The following RGS12 variants were observed in gnomAD, a reference collection of about 807,000 sequenced individuals.
RGS12 encodes the protein regulator of G protein signaling 12, also known as regulator of G-protein signaling 12.
RGS12 carries 66 observed loss-of-function variants against 120.1 expected under a neutral mutation model. The ratio of observed to expected loss-of-function variants is 0.55; its 90% confidence interval spans 0.45 to 0.67. The LOEUF (loss-of-function observed/expected upper bound fraction) is 0.67, where lower values mean the gene tolerates loss of function less well. Ranked by LOEUF, RGS12 falls within the 30% of genes least tolerant of loss-of-function variation. The pLI is 0.00. For synonymous variants in RGS12, 827 were observed against 804.7 expected (o/e 1.03, Z -0.47); for missense variants, 1,859 against 1,957.7 (o/e 0.95, Z 0.95).
chr4:3,369,926 G>C, intron 3 of RGS12: 1 of 780,038 alleles, frequency 1.3e-6, no homozygotes, highest in Non-Finnish European at 1.6e-6. Context: ...ACTGCACCAC[G>C]ATGCTAAAAA....
chr4:3,360,787 C>T (rs1031944476), intron 3 of RGS12, among the ~76,000 whole-genome samples: 1 of 152,162 alleles, frequency 6.6e-6, no homozygotes, highest in Admixed American at 6.5e-5. Flanking sequence ...GAGGACAGTG[C>T]GGCTAACCCA....
intron 17 of RGS12, chr4:3,431,209 C>T: frequency 3.7e-6 from 5 of 1,368,396 alleles, no homozygotes; most frequent in Non-Finnish European, 2.8e-6. Flanking sequence ...GAGGCTCTTG[C>T]AGGAATGATA....
chr4:3,437,283 A>G (rs1361672158), intron 17 of RGS12, among the ~76,000 whole-genome samples: 1 of 152,154 alleles, frequency 6.6e-6, no homozygotes, highest in Non-Finnish European at 1.5e-5. Flanking sequence ...TCCTGTCTCC[A>G]GAAACAAGTG....
At chr4:3,417,356 T>C (rs1392449869) in intron 8 of RGS12, 32 bp from the exon 9 acceptor site, 1 of 1,544,294 alleles carries the variant, frequency 6.5e-7, no homozygotes, top group East Asian at 2.3e-5. Flanking sequence ...TAACTTCACA[T>C]TGTTTTAACC....
At chr4:3,363,041 G>A (rs1179303442) in intron 3 of RGS12, among the ~76,000 whole-genome samples, 1 of 151,624 alleles carries the variant, frequency 6.6e-6, no homozygotes, top group Non-Finnish European at 1.5e-5. Flanking sequence ...TTTGGAACGC[G>A]AGGGTGTATG....
chr4:3,382,573 C>T (rs938120263), intron 3 of RGS12, among the ~76,000 whole-genome samples: 24 of 152,200 alleles, frequency 1.6e-4, no homozygotes, highest in Non-Finnish European at 2.6e-4. Context: ...TTGTAGGTGA[C>T]GGTCTTCAGG....
chr4:3,317,015 A>C lies in RGS12; in HGVS notation c.845A>C (p.Gln282Pro). Residue 282 changes from glutamine (Q) to proline (P), a missense_variant, in exon 2 of 18, where the codon CAG (glutamine) becomes CCG (proline). Physicochemically the swap from Gln to Pro is moderately conservative, Grantham distance 76. This residue lies in a region of RGS12 where 967 missense variants were observed against 994.2 expected (regional missense o/e 0.97). Transcript: ENST00000336727. Reference protein sequence around the residue: ...VTMKIMHDCVQLSTDKAGVVA... With the variant: ...VTMKIMHDCVPLSTDKAGVVA... Reference sequence around the variant, plus strand: ...ATGAAGATCATGCACGACTGTGTGCAGCTGAGCACTGACAAGGCTGGAGTC... The same window carrying C: ...ATGAAGATCATGCACGACTGTGTGCCGCTGAGCACTGACAAGGCTGGAGTC... 6.2e-7 allele frequency: 1 copy of C among 1,613,768 alleles called. No individual in the cohort carries two copies. The highest frequency in any genetic ancestry group is 8.5e-7 in the Non-Finnish European group (1 of 1,179,998).
chr4:3,371,928 CCATT>C (rs962557887), intron 3 of RGS12, among the ~76,000 whole-genome samples: 4 of 152,156 alleles, frequency 2.6e-5, no homozygotes, highest in African/African-American at 9.7e-5. Context: ...TTGCCCGACT[CCATT>C]CAAAGAGCAC....
intron 3 of RGS12, among the ~76,000 whole-genome samples, chr4:3,343,844 A>G (rs1228911284): frequency 1.3e-5 from 2 of 152,182 alleles, no homozygotes; most frequent in Non-Finnish European, 2.9e-5. Flanking sequence ...GTGCAGCTGT[A>G]TTCTATGTCT....
At position 3,439,907 on chromosome 4, in the gene RGS12, G is replaced by A; in HGVS notation, c.*223G>A. On this transcript the variant is annotated 3_prime_UTR_variant, in exon 18 of 18. Transcript: ENST00000336727. The stretch of plus-strand genomic sequence containing the variant: ...TGCTGCCCAATAAAGCATTTCTGAG[G>A]ACCCAAGCGTCGGCCTGGTGCTGGG... 2.0e-6 allele frequency: 1 copy of A among 500,010 alleles called. No individual in the cohort carries two copies. The allele number at this position is 500,010 out of a possible 1,614,324, so 31.0% of individuals were successfully genotyped here.
In RGS12 at chr4:3,331,354, T is replaced by G. The variant is rs978274550; in HGVS notation, c.1882-11583T>G. Among the ~76,000 whole-genome samples, 3 of 152,200 alleles carry G rather than the reference T, an allele frequency of 2.0e-5. No homozygotes were observed. In the East Asian group the frequency reaches 5.8e-4, roughly 29 times the overall value. On this transcript the variant is annotated intron_variant, in intron 2 of 17. Coordinates refer to ENST00000336727, the MANE Select transcript of RGS12 (RefSeq NM_001394154.1). ...AAGAATCCAGGGAATTTTTATCTTG[T>G]GTTGTTTCAACTTCTTATGATGGGA...
chr4:3,390,483 C>T lies in RGS12; in HGVS notation c.2020+4046C>T, dbSNP rs1449913177. Among the ~76,000 whole-genome samples, 4 of 152,226 alleles carry T rather than the reference C, an allele frequency of 2.6e-5. No individual in the cohort carries two copies. Among genetic ancestry groups the T allele is most frequent in the East Asian group, 1.9e-4 (1 of 5,204 alleles). On this transcript the variant is annotated intron_variant, in intron 4 of 17. Coordinates refer to ENST00000336727, the MANE Select transcript of RGS12 (RefSeq NM_001394154.1). The surrounding 1 kb of genome is among the most constrained non-coding windows in gnomAD (Gnocchi z 4.6). Reference sequence around the variant, plus strand: ...GGCTTTCAGTGATTTTCCTTTTAGTCGTGAAACCTTCTCAAAAAGCACACA... The same window carrying T: ...GGCTTTCAGTGATTTTCCTTTTAGTTGTGAAACCTTCTCAAAAAGCACACA...
chr4:3,429,816 C>A (rs980823476), intron 16 of RGS12, among the ~76,000 whole-genome samples: 2 of 152,318 alleles, frequency 1.3e-5, no homozygotes, highest in African/African-American at 4.8e-5. Context: ...GTGTTGCCCC[C>A]CTCTGCCCTA....
intron 3 of RGS12, among the ~76,000 whole-genome samples, chr4:3,375,226 G>A (rs1359213718): frequency 6.6e-6 from 1 of 151,728 alleles, no homozygotes; most frequent in African/African-American, 2.4e-5. Context: ...TTCCCTGGGC[G>A]TGAACTCCAG....
At chr4:3,362,749 GT>G in intron 3 of RGS12, among the ~76,000 whole-genome samples, 1 of 72,104 alleles carries the variant, frequency 1.4e-5, no homozygotes, top group African/African-American at 7.0e-5. Context: ...GTGTGAGGGT[GT>G]GTGTGAAGAT....
At chr4:3,288,458 G>T (rs1049399637), upstream of RGS12, among the ~76,000 whole-genome samples, 1 of 152,194 alleles carries the variant, frequency 6.6e-6, no homozygotes, top group African/African-American at 2.4e-5. The surrounding 1 kb of genome is among the most constrained non-coding windows in gnomAD (Gnocchi z 5.2). Flanking sequence ...ATGCTTTGGG[G>T]CCAGGAAAAT....
intron 10 of RGS12, among the ~76,000 whole-genome samples, chr4:3,421,200 G>C (rs1022559971): frequency 6.6e-6 from 1 of 152,110 alleles, no homozygotes; most frequent in African/African-American, 2.4e-5. Context: ...GCTGGTGCTC[G>C]TCCTGGCCCC....
rs567412616 is a variant in RGS12, at chr4:3,362,860, T to C, written c.1998+19807T>C. Among the ~76,000 whole-genome samples the C allele has an allele frequency of 6.1e-4, 75 of 123,066 alleles. No individual in the cohort carries two copies. In the East Asian group the frequency reaches 6.9e-3, roughly 11 times the overall value. The allele number at this position is 123,066 out of a possible 152,430, so 80.7% of individuals were successfully genotyped here. ...GTGAGACTGAGTGTGAGGGTGTGTG[T>C]GTGCGAGGGTGTGTGTGTGTGAGAG... On this transcript the variant is annotated intron_variant, in intron 3 of 17. Transcript: ENST00000336727.
intron 3 of RGS12, among the ~76,000 whole-genome samples, chr4:3,358,975 TCCC>T (rs1715174456): frequency 2.2e-5 from 1 of 45,824 alleles, no homozygotes; most frequent in African/African-American, 9.7e-5. Context: ...CCTCCCCTCC[TCCC>T]TCTCCTCCTA....
Sources: gnomAD v4.1 joint callset for allele counts (sites outside exome capture counted in the v4.1 genomes callset) on GRCh38, gnomAD v4.1.1 for gene constraint, gnomAD v4.1.1 regional missense constraint, Gnocchi (gnomAD v3.1) non-coding constraint, MANE v1.5 for transcripts, NCBI Gene and HGNC (gene_info 2026-07-23, HGNC 2026-07-21) for gene names.